The following DOCK8 variants were observed in gnomAD, a reference collection of about 807,000 sequenced individuals.
DOCK8 encodes the protein dedicator of cytokinesis protein 8.
A neutral mutation model predicts 245.6 loss-of-function variants in DOCK8; 141 were observed. The observed-to-expected ratio is 0.57, with a 90% confidence interval of 0.50 to 0.66. The LOEUF (loss-of-function observed/expected upper bound fraction) is 0.66, where lower values mean the gene tolerates loss of function less well. DOCK8 is among the 30% of genes least tolerant of loss of function. The pLI is 0.00. For synonymous variants in DOCK8, 1,168 were observed against 970.2 expected (o/e 1.20, Z -3.79); for missense variants, 2,965 against 2,603.4 (o/e 1.14, Z -3.02).
chr9:245,259 C>T (rs555216049), intron 1 of DOCK8, among the ~76,000 whole-genome samples: 57 of 152,244 alleles, frequency 3.7e-4, no homozygotes, highest in African/African-American at 1.4e-3. Context: ...GGCTGGAGTG[C>T]AGTGGCACAA....
chr9:434,027 T>C (rs780757972), intron 38 of DOCK8, 52 bp downstream of exon 38: 51 of 1,334,002 alleles, frequency 3.8e-5, no homozygotes, highest in Non-Finnish European at 5.2e-5. Flanking sequence ...CGAGGATTTG[T>C]CACTGTGGAG....
intron 2 of DOCK8, among the ~76,000 whole-genome samples, chr9:276,581 A>G (rs371664368): frequency 4.6e-4 from 70 of 152,314 alleles, no homozygotes; most frequent in South Asian, 4.1e-3. Context: ...TCCCAGGTCT[A>G]TTTGACACTC....
chr9:451,821 CAATTT>C (rs1564084830), intron 45 of DOCK8, among the ~76,000 whole-genome samples, 185 bp from the exon 46 acceptor site: 1 of 149,720 alleles, frequency 6.7e-6, no homozygotes, highest in African/African-American at 2.5e-5. Context: ...TTCTCCCAAG[CAATTT>C]AATTTCCTTC....
At chr9:387,786 G>A (rs1267967830) in intron 23 of DOCK8, among the ~76,000 whole-genome samples, 1 of 152,238 alleles carries the variant, frequency 6.6e-6, no homozygotes, top group Non-Finnish European at 1.5e-5. Flanking sequence ...CCTATGCAGT[G>A]ACTGGTTATA....
chr9:379,812 G>A lies in DOCK8; in HGVS notation c.2482G>A (p.Ala828Thr), dbSNP rs138519226. The change falls in exon 21 of 48, where the codon GCC becomes ACC. Residue 828 changes from alanine to threonine, a missense_variant. By Grantham distance (58) the Ala-to-Thr change is moderately conservative (BLOSUM62 0). This residue lies in a region of DOCK8 where 2,825 missense variants were observed against 2,453.5 expected (regional missense o/e 1.15). Coordinates refer to ENST00000432829, the MANE Select transcript of DOCK8 (RefSeq NM_203447.4). Reference protein sequence around the residue: ...QFAFESVVAIANSLHNSKDLS... With the variant: ...QFAFESVVAITNSLHNSKDLS... ...TGCCTTCGAGTCCGTGGTGGCCATC[G>A]CCAACAGTCTGCACAACAGCAAGGA... 1.1e-4 allele frequency: 174 copies of A among 1,614,030 alleles called. No homozygotes were observed. Among genetic ancestry groups the A allele is most frequent in the Non-Finnish European group, 1.4e-4 (161 of 1,180,024 alleles).
upstream of DOCK8, chr9:214,559 C>G: frequency 6.2e-7 from 1 of 1,613,992 alleles, no homozygotes; most frequent in Non-Finnish European, 8.5e-7. Flanking sequence ...TGGGGCTCCC[C>G]CGACTTGCCT....
chr9:263,904 C>T (rs1158516791), intron 1 of DOCK8, among the ~76,000 whole-genome samples: 1 of 152,198 alleles, frequency 6.6e-6, no homozygotes, highest in South Asian at 2.1e-4. Flanking sequence ...AGTAGTTCTA[C>T]TATGATGTGT....
intron 1 of DOCK8, among the ~76,000 whole-genome samples, chr9:245,677 C>G (rs548874968): frequency 2.0e-5 from 3 of 152,254 alleles, no homozygotes; most frequent in African/African-American, 7.2e-5. Flanking sequence ...TTCATGTGCT[C>G]TAGTGCTGTG....
chr9:386,830 G>A (rs1349056977), intron 23 of DOCK8, among the ~76,000 whole-genome samples: 1 of 152,146 alleles, frequency 6.6e-6, no homozygotes, highest in African/African-American at 2.4e-5. Flanking sequence ...GGGAAAGCTG[G>A]GCACAAGTCA....
At chr9:298,420 G>C (rs1011092572) in intron 4 of DOCK8, among the ~76,000 whole-genome samples, 11 of 152,168 alleles carry the variant, frequency 7.2e-5, no homozygotes, top group Non-Finnish European at 1.3e-4. Flanking sequence ...GCCAGACTCT[G>C]TCTCCAAAAA....
chr9:377,867 A>G (rs1179784943), intron 20 of DOCK8, among the ~76,000 whole-genome samples: 2 of 152,242 alleles, frequency 1.3e-5, no homozygotes, highest in Non-Finnish European at 2.9e-5. Flanking sequence ...TCCCTTAGAA[A>G]TAATCTCAAA....
chr9:434,673 G>A (rs1448075398), intron 38 of DOCK8, 110 bp from the exon 39 acceptor site: 2 of 1,087,088 alleles, frequency 1.8e-6, no homozygotes, highest in East Asian at 2.5e-5. Context: ...CTCAGGTGGA[G>A]GGGTACAGGG....
intron 3 of DOCK8, 108 bp from the exon 4 acceptor site, chr9:289,402 C>G (rs1021919005): frequency 1.0e-5 from 9 of 863,556 alleles, no homozygotes; most frequent in African/African-American, 1.7e-5. Flanking sequence ...CCTAAGCATT[C>G]TCACTGATAA....
chr9:370,147 G>T, intron 15 of DOCK8, 83 bp from the exon 16 acceptor site: 2 of 1,215,734 alleles, frequency 1.6e-6, no homozygotes, highest in South Asian at 1.2e-5. Context: ...TATGAGACCA[G>T]AACATCCTGT....
chr9:410,092 T>A (rs2055651704), intron 28 of DOCK8, among the ~76,000 whole-genome samples: 1 of 152,320 alleles, frequency 6.6e-6, no homozygotes, highest in Non-Finnish European at 1.5e-5. Flanking sequence ...CATCTATGAC[T>A]AGGTTCCAGA....
intron 1 of DOCK8, among the ~76,000 whole-genome samples, chr9:269,715 C>G (rs568383184): frequency 2.0e-5 from 3 of 152,106 alleles, no homozygotes; most frequent in Middle Eastern, 3.4e-3. Context: ...GCCACCACAC[C>G]TGGCTAATTT....
At chr9:276,081 G>T (rs1172726921) in intron 2 of DOCK8, among the ~76,000 whole-genome samples, 1 of 151,398 alleles carries the variant, frequency 6.6e-6, no homozygotes, top group Admixed American at 6.6e-5. Flanking sequence ...AGTAAAGACG[G>T]GGTTTCGCCA....
At chr9:350,614 G>A (rs184466691) in intron 14 of DOCK8, among the ~76,000 whole-genome samples, 11 of 152,284 alleles carry the variant, frequency 7.2e-5, no homozygotes, top group Admixed American at 3.9e-4. Flanking sequence ...GCCAACCCAC[G>A]GAGGAAGGAA....
At chr9:399,558 C>T (rs2054641735) in intron 26 of DOCK8, among the ~76,000 whole-genome samples, 1 of 152,138 alleles carries the variant, frequency 6.6e-6, no homozygotes, top group Non-Finnish European at 1.5e-5. Flanking sequence ...AGAAAATTAA[C>T]ATGGCTATAC....
Sources: gnomAD v4.1 joint callset for allele counts (sites outside exome capture counted in the v4.1 genomes callset) on GRCh38, gnomAD v4.1.1 for gene constraint, gnomAD v4.1.1 regional missense constraint, MANE v1.5 for transcripts, NCBI Gene and HGNC (gene_info 2026-07-23, HGNC 2026-07-21) for gene names.